Variants in DCAF13 observed in about 807,000 individuals in gnomAD.
DCAF13 encodes the protein DDB1 and CUL4 associated factor 13.
DCAF13 carries 38 observed loss-of-function variants against 59.0 expected under a neutral mutation model. The observed-to-expected ratio is 0.64, with a 90% CI of 0.50 to 0.84. The LOEUF (loss-of-function observed/expected upper bound fraction) is 0.84. Ranked by LOEUF, DCAF13 falls within the 40% of genes least tolerant of loss-of-function variation. The pLI, the probability that DCAF13 is intolerant of heterozygous loss-of-function variation, is 0.00. For synonymous variants in DCAF13, 173 were observed against 175.0 expected, an observed-to-expected ratio of 0.99 and a Z score of 0.09; for missense variants, 469 against 558.4, an observed-to-expected ratio of 0.84 and a Z score of 1.61.
chr8:103,426,638 A>T (rs575631700), intron 4 of DCAF13, among the ~76,000 whole-genome samples: 23 of 152,318 alleles, frequency 1.5e-4, no homozygotes, highest in Admixed American at 7.8e-4. Flanking sequence ...GCATAAGAAT[A>T]ATTTAGAACA....
intron 8 of DCAF13, chr8:103,439,404 T>TC (rs1344718049): frequency 6.8e-6 from 1 of 147,562 alleles, no homozygotes; most frequent in Non-Finnish European, 1.5e-5. Flanking sequence ...TTTTTTTTTT[T>TC]TTGAGGCAGA....
At chr8:103,423,891 C>T (rs1414767109) in intron 3 of DCAF13, among the ~76,000 whole-genome samples, 1 of 152,004 alleles carries the variant, frequency 6.6e-6, no homozygotes, top group African/African-American at 2.4e-5. Context: ...TTTAAAGAGA[C>T]AGAGTCTTGC....
At position 103,415,397 on chromosome 8, in the gene DCAF13, C is replaced by T. The variant is rs1816591035; in HGVS notation, c.-50C>T. On this transcript the variant is annotated 5_prime_UTR_variant, in exon 1 of 11. Transcript: ENST00000612750. ...GCCTGTGGGAGGAGGTGGCGGTGGG[C>T]GGAACTCCTAGCGGACACCTCGTGG... The T allele has an allele frequency of 1.2e-6, 2 of 1,613,952 alleles. No individual in the cohort carries two copies. Among genetic ancestry groups the T allele is most frequent in the Non-Finnish European group, 1.7e-6 (2 of 1,180,026 alleles).
chr8:103,419,244 A>G (rs1225274869), intron 1 of DCAF13, among the ~76,000 whole-genome samples: 2 of 152,102 alleles, frequency 1.3e-5, no homozygotes, highest in Non-Finnish European at 2.9e-5. Flanking sequence ...GTTAAAACAT[A>G]GATTCTGGAG....
intron 1 of DCAF13, among the ~76,000 whole-genome samples, chr8:103,417,348 A>T (rs2130469411): frequency 6.6e-6 from 1 of 152,198 alleles, no homozygotes; most frequent in Middle Eastern, 3.4e-3. Context: ...TTTCTTAAAA[A>T]AAAAGATCTT....
chr8:103,423,079 G>A (rs184477465), intron 3 of DCAF13, among the ~76,000 whole-genome samples: 4 of 152,278 alleles, frequency 2.6e-5, no homozygotes, highest in African/African-American at 9.6e-5. Flanking sequence ...CTAGAGGGGT[G>A]CAGATAAGCT....
At chr8:103,418,866 A>ATATATT (rs1563724113) in intron 1 of DCAF13, among the ~76,000 whole-genome samples, 1 of 38,428 alleles carries the variant, frequency 2.6e-5, no homozygotes, top group Non-Finnish European at 4.8e-5. Flanking sequence ...ATATATATAT[A>ATATATT]TTTTTTTTTT....
rs531567041 is a variant in DCAF13 at position 103,427,258 on chromosome 8, G to GT, written c.624+15dup. 1,403 of 1,577,874 alleles carry GT rather than the reference G, an allele frequency of 8.9e-4. 2 individuals carry two copies. Among genetic ancestry groups the GT allele is most frequent in the African/African-American group, 3.6e-3 (260 of 73,174 alleles). ...TTAAATTTAACCCAATTGAGGTAATGTTTTTTTTTAAGTATGTTTTACTTA... is the reference window on the plus strand; with the variant it reads ...TTAAATTTAACCCAATTGAGGTAATGTTTTTTTTTTAAGTATGTTTTACTTA... On this transcript the variant is annotated splice_region_variant and intron_variant, in intron 5 of 10. Coordinates refer to ENST00000612750, the MANE Select transcript of DCAF13 (RefSeq NM_015420.7).
chr8:103,435,884 T>G (rs531440991), intron 8 of DCAF13, 94 bp downstream of exon 8: 396 of 1,303,562 alleles, frequency 3.0e-4, no homozygotes, highest in Non-Finnish European at 4.1e-4. Flanking sequence ...TTCATCATTG[T>G]GTGAACATCA....
Position 103,435,646 on chromosome 8 carries a change from G to A in DCAF13, c.806G>A (p.Arg269His), listed in dbSNP as rs142463527. The A allele has an allele frequency of 2.2e-5, 34 of 1,577,696 alleles. No homozygotes were observed. The highest frequency in any genetic ancestry group is 2.9e-5 in the Non-Finnish European group (34 of 1,161,346). ...EDYNLYTFDM[R>H]ALDTPVMVHM... ...TACAGCTTATATACTTTTGATATGCGTGCACTGGACACTCCTGTAATGGTC... is the reference window on the plus strand; with the variant it reads ...TACAGCTTATATACTTTTGATATGCATGCACTGGACACTCCTGTAATGGTC... The change falls in exon 8 of 11, where the codon CGT becomes CAT. Residue 269 changes from arginine (R) to histidine (H), a missense_variant. Physicochemically the swap from Arg to His is conservative, Grantham distance 29. This residue lies in a region of DCAF13 where 355 missense variants were observed against 399.1 expected (regional missense o/e 0.89). Coordinates refer to ENST00000612750, the MANE Select transcript of DCAF13 (RefSeq NM_015420.7).
intron 6 of DCAF13, among the ~76,000 whole-genome samples, chr8:103,431,134 T>C (rs1816858679): frequency 6.6e-6 from 1 of 152,224 alleles, no homozygotes; most frequent in African/African-American, 2.4e-5. Context: ...AGTTACATGC[T>C]GATCAATACT....
At chr8:103,426,335 G>GTT (rs113065425) in intron 4 of DCAF13, among the ~76,000 whole-genome samples, 190 bp downstream of exon 4, 2 of 145,290 alleles carry the variant, frequency 1.4e-5, no homozygotes, top group Non-Finnish European at 3.0e-5. Flanking sequence ...AATTTTAACA[G>GTT]TTTTTTTTTT....
chr8:103,427,274 G>T (rs1250132326), intron 5 of DCAF13, 22 bp downstream of exon 5: 14 of 1,583,280 alleles, frequency 8.8e-6, no homozygotes, highest in Non-Finnish European at 1.2e-5. Context: ...TTTTAAGTAT[G>T]TTTTACTTAT....
chr8:103,433,647 T>A (rs191588294), intron 7 of DCAF13, among the ~76,000 whole-genome samples: 18 of 152,220 alleles, frequency 1.2e-4, no homozygotes, highest in African/African-American at 4.1e-4. Context: ...ACTAAAAGCA[T>A]CTTTTATGAC....
At position 103,420,446 on chromosome 8, in the gene DCAF13, G is replaced by T; in HGVS notation, c.253G>T (p.Gly85Trp). Residue 85 changes from glycine (G) to tryptophan (W), a missense_variant, in exon 2 of 11, where the codon GGG becomes TGG. By Grantham distance (184) the Gly-to-Trp change is radical. This residue lies in a region of DCAF13 where 355 missense variants were observed against 399.1 expected (regional missense o/e 0.89). Transcript: ENST00000612750. ...HPEKLATVLS[G>W]ACDGEVRIWN... ...AGAGAAGCTGGCTACTGTCCTTTCT[G>T]GGGCGTGTGATGGAGAGGCAAGTGT... 1 of 1,613,654 alleles carries T rather than the reference G, an allele frequency of 6.2e-7. No homozygotes were observed. Among genetic ancestry groups the T allele is most frequent in the Non-Finnish European group, 8.5e-7 (1 of 1,179,760 alleles).
At chr8:103,434,319 A>C (rs1259438123) in intron 7 of DCAF13, among the ~76,000 whole-genome samples, 1 of 152,098 alleles carries the variant, frequency 6.6e-6, no homozygotes, top group Non-Finnish European at 1.5e-5. Context: ...AATGAATCCT[A>C]TAATGTGGAA....
intron 1 of DCAF13, among the ~76,000 whole-genome samples, chr8:103,419,988 A>G (rs188530801): frequency 0.01 from 1,519 of 149,454 alleles, 23 homozygotes; most frequent in African/African-American, 0.035. Flanking sequence ...CAGCCTGGTG[A>G]CGGAGCAAGA....
intron 9 of DCAF13, 28 bp downstream of exon 9, chr8:103,440,299 CAT>C: frequency 6.6e-7 from 1 of 1,518,196 alleles, no homozygotes. Context: ...CTTTCATTGT[CAT>C]AAAGCTGATT....
In DCAF13 at chr8:103,430,671, A is replaced by G. The variant is rs1816851638; in HGVS notation, c.684A>G (p.Gln228=). The G allele has an allele frequency of 6.2e-7, 1 of 1,609,444 alleles. No homozygotes were observed. Among genetic ancestry groups the G allele is most frequent in the Non-Finnish European group, 8.5e-7 (1 of 1,177,774 alleles). ...ATATAGTACTGTACGATATGAGGCA[A>G]GCTACTCCTTTGAAAAAGGTGAGTT... ...DRNIVLYDMR[Q]ATPLKKVILD... is the part of the protein sequence containing the mutation. Residue 228 remains glutamine, a synonymous_variant, in exon 6 of 11, where the codon CAA becomes CAG. Transcript: ENST00000612750.
Sources: allele counts gnomAD v4.1 joint callset (sites outside exome capture counted in the v4.1 genomes callset), GRCh38; gene constraint gnomAD v4.1.1; regional missense constraint gnomAD v4.1.1; transcripts MANE v1.5; gene names NCBI Gene and HGNC (gene_info 2026-07-23, HGNC 2026-07-21).